The following MSI2 variants were observed in gnomAD, a reference collection of about 807,000 sequenced individuals.
MSI2 encodes musashi RNA binding protein 2.
Under a neutral mutation model 45.6 loss-of-function variants are expected in MSI2, and 17 were observed. The observed-to-expected ratio is 0.37, with a 90% CI of 0.26 to 0.56. The LOEUF (loss-of-function observed/expected upper bound fraction) is 0.56. Among genes scored for constraint, MSI2 ranks in the 20% least tolerant of loss-of-function variants. The pLI, the probability that MSI2 is intolerant of heterozygous loss-of-function variation, is 0.77. For missense variants in MSI2, 293 were observed against 444.2 expected (o/e 0.66, Z 3.06); for synonymous variants, 156 against 158.2 (o/e 0.99, Z 0.11).
chr17:57,256,895 G>GCCCCCC, intron 1 of MSI2, 91 bp downstream of exon 1: 2 of 902,356 alleles, frequency 2.2e-6, no homozygotes, highest in South Asian at 2.1e-5. Flanking sequence ...GGCATCTCCC[G>GCCCCCC]CGCCCCCCCG....
intron 6 of MSI2, chr17:57,450,254 TTAAAGAAAGAAAGAAAGAAAGAAA>T (rs2084973910): frequency 1.0e-5 from 1 of 98,754 alleles, no homozygotes; most frequent in South Asian, 2.9e-4. Flanking sequence ...ATTCCCCAGC[TTAAAGAAAGAAAGAAAGAAAGAAA>T]GAAAGAAAGA....
At chr17:57,651,982 C>T in intron 10 of MSI2, 117 bp from the exon 11 acceptor site, 2 of 931,298 alleles carry the variant, frequency 2.1e-6, no homozygotes, top group Non-Finnish European at 3.4e-6. Flanking sequence ...TGTGAAAATC[C>T]CTTCCCACTC....
At chr17:57,333,834 C>G (rs1914481645) in intron 5 of MSI2, among the ~76,000 whole-genome samples, 1 of 151,868 alleles carries the variant, frequency 6.6e-6, no homozygotes, top group African/African-American at 2.4e-5. Flanking sequence ...GATCTGCATA[C>G]TTTTTTTAGA....
chr17:57,608,940 G>A (rs975025464), intron 8 of MSI2, among the ~76,000 whole-genome samples: 9 of 152,178 alleles, frequency 5.9e-5, no homozygotes, highest in Non-Finnish European at 1.2e-4. Flanking sequence ...GCAGTGACCA[G>A]GAAGAAAAAA....
At chr17:57,556,489 GA>G (rs1438482178) in intron 7 of MSI2, among the ~76,000 whole-genome samples, 1 of 152,222 alleles carries the variant, frequency 6.6e-6, no homozygotes, top group African/African-American at 2.4e-5. Context: ...CTGTGAGGCA[GA>G]ACGTGTCTGT....
chr17:57,511,091 G>A (rs1436830399), intron 6 of MSI2, among the ~76,000 whole-genome samples: 1 of 152,166 alleles, frequency 6.6e-6, no homozygotes, highest in East Asian at 1.9e-4. Flanking sequence ...ATCCAGGCAG[G>A]GACAGCGATT....
chr17:57,278,556 G>C (rs1440642301), intron 5 of MSI2: 1 of 152,340 alleles, frequency 6.6e-6, no homozygotes, highest in African/African-American at 2.4e-5. Context: ...GCCATTTGCT[G>C]TTTTAGAGTG....
At chr17:57,550,457 T>C (rs2087277527) in intron 7 of MSI2, among the ~76,000 whole-genome samples, 1 of 152,246 alleles carries the variant, frequency 6.6e-6, no homozygotes, top group South Asian at 2.1e-4. Flanking sequence ...ATATGCAAGC[T>C]GTTCCTCACA....
intron 10 of MSI2, among the ~76,000 whole-genome samples, chr17:57,650,079 T>C (rs1273960533): frequency 6.6e-6 from 1 of 152,186 alleles, no homozygotes; most frequent in Non-Finnish European, 1.5e-5. Context: ...TTAAGGATAA[T>C]GGATTTCCTT....
chr17:57,316,294 A>T (rs1384104113), intron 5 of MSI2, among the ~76,000 whole-genome samples: 2 of 151,582 alleles, frequency 1.3e-5, no homozygotes, highest in African/African-American at 4.8e-5. Flanking sequence ...TTATAAGCCC[A>T]GGAATCTGAG....
Position 57,537,266 on chromosome 17 carries a change from A to T in MSI2, c.454+7542A>T, listed in dbSNP as rs146125490. The stretch of plus-strand genomic sequence containing the variant: ...GCTGGGACTGTGTGAGGGGGTGGGC[A>T]TGCTGCGTGCCCACCGTGAGGGGCA... On this transcript the variant is annotated intron_variant, in intron 7 of 13. Transcript: ENST00000284073. Among the ~76,000 whole-genome samples the T allele has an allele frequency of 3.3e-5, 5 of 152,132 alleles. No individual in the cohort carries two copies. The East Asian group carries it at 9.7e-4, about 29-fold the overall frequency.
At chr17:57,382,921 C>G (rs1370060586) in intron 5 of MSI2, among the ~76,000 whole-genome samples, 1 of 152,204 alleles carries the variant, frequency 6.6e-6, no homozygotes, top group Non-Finnish European at 1.5e-5. Context: ...AGACTGAGTA[C>G]TCTGCTATGT....
rs76559491 is a variant in MSI2, at chr17:57,282,937, C to T, written c.312+20745C>T. 6.2e-3 allele frequency among the ~76,000 whole-genome samples: 929 copies of T among 150,634 alleles called. 8 individuals carry two copies. The highest frequency in any genetic ancestry group is 0.022 in the African/African-American group (895 of 40,742). ...TAATAATTGAGGCGGCATCTGGGCC[C>T]CTTGCTGAACGGCAGTCCTTCTGGC... On this transcript the variant is annotated intron_variant, in intron 5 of 13. Coordinates refer to ENST00000284073, the MANE Select transcript of MSI2 (RefSeq NM_138962.4).
the MSI2 span, among the ~76,000 whole-genome samples, chr17:57,691,623 TTAA>T: frequency 1.4e-3 from 220 of 152,346 alleles, no homozygotes; most frequent in African/African-American, 4.4e-3. Context: ...GGTACTTAAC[TTAA>T]AATTTTTTAA....
At chr17:57,558,215 T>G (rs1421062121) in intron 7 of MSI2, among the ~76,000 whole-genome samples, 5 of 152,110 alleles carry the variant, frequency 3.3e-5, no homozygotes, top group Non-Finnish European at 7.4e-5. Context: ...GCCTCTGTAA[T>G]TGCACCTATT....
chr17:57,393,548 C>G (rs1003104506), intron 5 of MSI2, among the ~76,000 whole-genome samples: 1 of 152,100 alleles, frequency 6.6e-6, no homozygotes, highest in Non-Finnish European at 1.5e-5. Flanking sequence ...TTGGGTTGTT[C>G]TATTTTTTGG....
chr17:57,661,615 G>C (rs1335905207), intron 11 of MSI2, among the ~76,000 whole-genome samples: 2 of 152,164 alleles, frequency 1.3e-5, no homozygotes, highest in African/African-American at 4.8e-5. Context: ...AAGGGGTGTG[G>C]AGTGAGAGGC....
intron 5 of MSI2, among the ~76,000 whole-genome samples, chr17:57,350,137 T>G (rs1184418168): frequency 6.6e-6 from 1 of 152,162 alleles, no homozygotes; most frequent in Non-Finnish European, 1.5e-5. Context: ...GGTTGTAATC[T>G]TCTCAGAATC....
intron 5 of MSI2, among the ~76,000 whole-genome samples, chr17:57,396,207 G>A (rs2083885955): frequency 6.6e-6 from 1 of 152,106 alleles, no homozygotes; most frequent in South Asian, 2.1e-4. Flanking sequence ...GCCTTTTCAT[G>A]TATTTGTTCT....
Sources: gnomAD v4.1 joint callset for allele counts (sites outside exome capture counted in the v4.1 genomes callset) on GRCh38, gnomAD v4.1.1 for gene constraint, MANE v1.5 for transcripts, NCBI Gene and HGNC (gene_info 2026-07-23, HGNC 2026-07-21) for gene names.